ANKS1B: variants seen among roughly 807,000 people sequenced by gnomAD.
The protein encoded by ANKS1B is ankyrin repeat and sterile alpha motif domain containing 1B.
ANKS1B carries 36 observed loss-of-function variants against 148.3 expected under a neutral mutation model. The ratio of observed to expected loss-of-function variants is 0.24; its 90% CI spans 0.19 to 0.32. The LOEUF is 0.32. Among genes scored for constraint, ANKS1B ranks in the 10% least tolerant of loss-of-function variants. The pLI is 1.00. For missense variants in ANKS1B, 1,157 were observed against 1,542.6 expected (o/e 0.75, Z 4.19); for synonymous variants, 542 against 560.8 (o/e 0.97, Z 0.47).
intron 17 of ANKS1B, among the ~76,000 whole-genome samples, chr12:98,889,064 T>A (rs1176374222): frequency 6.6e-6 from 1 of 152,218 alleles, no homozygotes; most frequent in African/African-American, 2.4e-5. Flanking sequence ...GTCTTTTAAG[T>A]CAGTTGTTTA....
At chr12:99,121,321 A>ATGTGTGTGTG (rs57560069) in intron 15 of ANKS1B, among the ~76,000 whole-genome samples, 4,465 of 142,768 alleles carry the variant, frequency 0.031, 94 homozygotes, top group African/African-American at 0.041. Context: ...GTATGTAGGT[A>ATGTGTGTGTG]TGTGTGTGTG....
At chr12:99,428,616 A>G (rs2095306899) in intron 11 of ANKS1B, among the ~76,000 whole-genome samples, 1 of 152,182 alleles carries the variant, frequency 6.6e-6, no homozygotes. Context: ...GTTCCTGTGC[A>G]TGTGTATATT....
chr12:99,619,228 C>G (rs1352676386), intron 9 of ANKS1B, among the ~76,000 whole-genome samples: 5 of 152,036 alleles, frequency 3.3e-5, no homozygotes, highest in African/African-American at 1.2e-4. Context: ...CATCAGGACC[C>G]TCTCCACACC....
chr12:99,199,736 T>C lies in ANKS1B; in HGVS notation c.2419+44606A>G, dbSNP rs79411044. Among the ~76,000 whole-genome samples the C allele has an allele frequency of 4.5e-3, 681 of 152,222 alleles. 26 individuals carry two copies. The East Asian group carries it at 0.088, about 20-fold the overall frequency. On this transcript the variant is annotated intron_variant, in intron 14 of 26. Coordinates refer to ENST00000683438, the MANE Select transcript of ANKS1B (RefSeq NM_001352186.2). ...TTCCTGACAGAAAAAGAGAGAGAGA[T>C]AGAAGGTAGAAAAGCTATCTGCCAT...
At chr12:98,894,014 C>T (rs1276298103) in intron 17 of ANKS1B, among the ~76,000 whole-genome samples, 1 of 152,130 alleles carries the variant, frequency 6.6e-6, no homozygotes, top group Non-Finnish European at 1.5e-5. Flanking sequence ...AAACACTGAC[C>T]CGACCTTCAC....
At chr12:99,459,368 TCACCACTTCTATTA>T (rs1235717253) in intron 10 of ANKS1B, among the ~76,000 whole-genome samples, 1 of 152,066 alleles carries the variant, frequency 6.6e-6, no homozygotes, top group African/African-American at 2.4e-5. Flanking sequence ...ATGCCCACTT[TCACCACTTCTATTA>T]AACATAGTAC....
intron 1 of ANKS1B, among the ~76,000 whole-genome samples, chr12:99,918,021 T>C (rs539308256): frequency 2.8e-4 from 43 of 152,352 alleles, no homozygotes; most frequent in African/African-American, 1.0e-3. Context: ...ATGCTCCTTA[T>C]GAGAATCTAA....
intron 10 of ANKS1B, among the ~76,000 whole-genome samples, chr12:99,494,326 A>C (rs756705292): frequency 6.6e-6 from 1 of 152,166 alleles, no homozygotes; most frequent in African/African-American, 2.4e-5. Flanking sequence ...ATAAAGAGAG[A>C]ACACTAGCTG....
chr12:98,832,151 A>G lies in ANKS1B; in HGVS notation c.2779-15T>C. 1.3e-6 allele frequency: 2 copies of G among 1,536,288 alleles called. No individual in the cohort carries two copies. Among genetic ancestry groups the G allele is most frequent in the Admixed American group, 2.0e-5 (1 of 50,270 alleles). On this transcript the variant is annotated splice_polypyrimidine_tract_variant and intron_variant, in intron 17 of 26. Coordinates refer to ENST00000683438, the MANE Select transcript of ANKS1B (RefSeq NM_001352186.2). ...ATTTTTAAAACCTGAAACAACATAT[A>G]TTTGGGTTAAATATTTCACTGGAGA...
intron 1 of ANKS1B, among the ~76,000 whole-genome samples, chr12:99,864,659 C>A (rs1190962344): frequency 2.0e-5 from 3 of 152,196 alleles, no homozygotes; most frequent in Non-Finnish European, 4.4e-5. Flanking sequence ...CAATTGCCAG[C>A]TGTCTGATTT....
At position 99,852,039 on chromosome 12, in the gene ANKS1B, C is replaced by T. The variant is rs114900947; in HGVS notation, c.135-26650G>A. Among the ~76,000 whole-genome samples the T allele has an allele frequency of 2.9e-3, 436 of 152,166 alleles. 2 individuals carry two copies. Among genetic ancestry groups the T allele is most frequent in the African/African-American group, 9.3e-3 (385 of 41,524 alleles). ...CACCTGTAATATGATAGAAACAGTC[C>T]CTGCTCTCAGAAAGCTCAGTCTAGC... On this transcript the variant is annotated intron_variant, in intron 1 of 26. Coordinates refer to ENST00000683438, the MANE Select transcript of ANKS1B (RefSeq NM_001352186.2).
chr12:99,071,204 T>C (rs1295703988), intron 16 of ANKS1B, among the ~76,000 whole-genome samples: 1 of 152,276 alleles, frequency 6.6e-6, no homozygotes, highest in Non-Finnish European at 1.5e-5. Context: ...AGGCAGATAC[T>C]GTGTAATTTC....
At chr12:99,673,926 A>T (rs757323775) in intron 8 of ANKS1B, among the ~76,000 whole-genome samples, 42 of 151,774 alleles carry the variant, frequency 2.8e-4, no homozygotes, top group Non-Finnish European at 5.2e-4. Flanking sequence ...TATGGCAACT[A>T]GTTACAAGAT....
intron 4 of ANKS1B, among the ~76,000 whole-genome samples, chr12:99,800,970 A>G (rs2066877774): frequency 6.6e-6 from 1 of 152,154 alleles, no homozygotes; most frequent in Non-Finnish European, 1.5e-5. Context: ...CTTAGAGATC[A>G]AGAAGATGAG....
chr12:99,137,989 G>A (rs1294362279), intron 15 of ANKS1B, among the ~76,000 whole-genome samples: 1 of 152,088 alleles, frequency 6.6e-6, no homozygotes, highest in Admixed American at 6.6e-5. Flanking sequence ...GTTAATAGAT[G>A]TAAAACACTT....
In ANKS1B at chr12:99,387,603, AAAGAAG is replaced by A. The variant is rs371936700; in HGVS notation, c.1756+12022_1756+12027del. 6.0e-5 allele frequency among the ~76,000 whole-genome samples: 9 copies of A among 151,148 alleles called. No homozygotes were observed. The South Asian group carries it at 8.3e-4, about 14-fold the overall frequency. On this transcript the variant is annotated intron_variant, in intron 12 of 26. Transcript: ENST00000683438. ...AGAGTGAGACTCTGTCTCAAAAAAAAAAGAAGAAGAAGAAGAAGAAGCCCAAGGGAG... is the reference window on the plus strand; with the variant it reads ...AGAGTGAGACTCTGTCTCAAAAAAAAAAGAAGAAGAAGAAGCCCAAGGGAG...
chr12:98,820,541 T>C (rs2099178710), intron 19 of ANKS1B, among the ~76,000 whole-genome samples: 1 of 152,196 alleles, frequency 6.6e-6, no homozygotes, highest in Non-Finnish European at 1.5e-5. Flanking sequence ...TTACAGAGTG[T>C]TTATTTTAGA....
intron 12 of ANKS1B, among the ~76,000 whole-genome samples, chr12:99,301,657 A>G (rs2081629223): frequency 6.6e-6 from 1 of 152,180 alleles, no homozygotes; most frequent in Non-Finnish European, 1.5e-5. Flanking sequence ...CCAGGCACTG[A>G]GTGAGCCAAT....
chr12:99,599,484 T>G (rs531958902), intron 9 of ANKS1B, among the ~76,000 whole-genome samples: 174 of 152,240 alleles, frequency 1.1e-3, no homozygotes, highest in African/African-American at 4.0e-3. Flanking sequence ...CAGCATTATA[T>G]TGTGATATTT....
Sources: allele counts gnomAD v4.1 joint callset (sites outside exome capture counted in the v4.1 genomes callset), GRCh38; gene constraint gnomAD v4.1.1; transcripts MANE v1.5; gene names NCBI Gene and HGNC (gene_info 2026-07-23, HGNC 2026-07-21).